Variants in PRR12 observed in about 807,000 individuals in gnomAD.
PRR12 encodes the protein proline-rich protein 12.
Under a neutral mutation model 138.0 loss-of-function variants are expected in PRR12, and 12 were observed. That is an observed-to-expected ratio of 0.09 (90% CI 0.06 to 0.14). PRR12 has a LOEUF of 0.14. Ranked by LOEUF, PRR12 falls within the 10% of genes least tolerant of loss-of-function variation. PRR12 has a pLI of 1.00. For missense variants in PRR12, 2,692 were observed against 2,861.3 expected (o/e 0.94, Z 1.35); for synonymous variants, 1,567 against 1,291.7 (o/e 1.21, Z -4.57).
intron 6 of PRR12, among the ~76,000 whole-genome samples, chr19:49,607,356 C>CAT (rs200014602): frequency 0.027 from 3,948 of 146,982 alleles, 174 homozygotes; most frequent in African/African-American, 0.098. Flanking sequence ...CTGTCATGTA[C>CAT]GTGTGCACAC....
At chr19:49,622,625 C>T (rs978627536) in intron 11 of PRR12, among the ~76,000 whole-genome samples, 1 of 146,240 alleles carries the variant, frequency 6.8e-6, no homozygotes, top group Non-Finnish European at 1.5e-5. Context: ...GGCGCGGTGG[C>T]TCACGCCTGT....
intron 4 of PRR12, among the ~76,000 whole-genome samples, chr19:49,598,727 T>G (rs981674118): frequency 6.6e-6 from 1 of 151,978 alleles, no homozygotes; most frequent in African/African-American, 2.4e-5. Context: ...GAGGTTGAGG[T>G]GGGAGGATCT....
intron 6 of PRR12, among the ~76,000 whole-genome samples, chr19:49,607,431 C>T (rs541008217): frequency 6.6e-6 from 1 of 151,802 alleles, no homozygotes. Flanking sequence ...TTTTGCCAGG[C>T]GTGGTGGATC....
intron 6 of PRR12, among the ~76,000 whole-genome samples, chr19:49,606,398 G>A (rs1438204406): frequency 2.0e-5 from 3 of 146,732 alleles, no homozygotes; most frequent in African/African-American, 5.1e-5. Context: ...TGCAACCCTC[G>A]CCTCCCACAT....
chr19:49,596,963 G>T lies in PRR12; in HGVS notation c.2628G>T (p.Pro876=), dbSNP rs1001470626. The part of the protein sequence containing the change: ...PRLRPEESLD[P]PGAMQELLGA... ...TGCGACCCGAGGAGAGCCTGGATCCGCCAGGCGCCATGCAGGAATTGCTCG... is the reference window on the plus strand; with the variant it reads ...TGCGACCCGAGGAGAGCCTGGATCCTCCAGGCGCCATGCAGGAATTGCTCG... Residue 876 remains proline, a synonymous_variant, in exon 4 of 14, where the codon CCG becomes CCT. Coordinates refer to ENST00000418929, the MANE Select transcript of PRR12 (RefSeq NM_020719.3). This position sits in a 1 kb window ranked among gnomAD's most constrained non-coding sequence, Gnocchi z 5.6. 1 of 1,551,578 alleles carries T rather than the reference G, an allele frequency of 6.4e-7. No individual in the cohort carries two copies.
In PRR12 at chr19:49,599,850, A is replaced by G. The variant is rs1210098764; in HGVS notation, c.4257A>G (p.Pro1419=). 3 of 1,613,178 alleles carry G rather than the reference A, an allele frequency of 1.9e-6. No homozygotes were observed. The highest frequency in any genetic ancestry group is 2.5e-6 in the Non-Finnish European group (3 of 1,179,858). The stretch of plus-strand genomic sequence containing the variant: ...CTGGGCCAAAAGACACTTCCACCCC[A>G]GATGGGCCGCCCTTGGCCCCCGCGG... ...PLAGPKDTST[P]DGPPLAPAAA... is the part of the protein sequence containing the mutation. The change falls in exon 5 of 14, where the codon CCA becomes CCG. Residue 1419 remains proline, a synonymous_variant. Coordinates refer to ENST00000418929, the MANE Select transcript of PRR12 (RefSeq NM_020719.3). The surrounding 1 kb of genome is among the most constrained non-coding windows in gnomAD (Gnocchi z 5.0).
chr19:49,606,115 C>G (rs1355283884), intron 6 of PRR12, among the ~76,000 whole-genome samples: 1 of 152,166 alleles, frequency 6.6e-6, no homozygotes, highest in Non-Finnish European at 1.5e-5. Flanking sequence ...ATCCTCCCAC[C>G]TCAGCCTCCC....
In PRR12 at chr19:49,594,382, C is replaced by T; in HGVS notation, c.200-72C>T. 5 of 1,433,666 alleles carry T rather than the reference C, an allele frequency of 3.5e-6. No individual in the cohort carries two copies. In the South Asian group the frequency reaches 4.2e-5, roughly 12 times the overall value. The allele number at this position is 1,433,666 out of a possible 1,614,324, so 88.8% of individuals were successfully genotyped here. ...TTTCCTGATCCAACTTGCTTTTGGCCTCTTCCCTTTCTCTCTTGACTGTAT... is the reference window on the plus strand; with the variant it reads ...TTTCCTGATCCAACTTGCTTTTGGCTTCTTCCCTTTCTCTCTTGACTGTAT... On this transcript the variant is annotated intron_variant, in intron 2 of 13. Transcript: ENST00000418929. The surrounding 1 kb of genome is among the most constrained non-coding windows in gnomAD (Gnocchi z 5.6).
chr19:49,613,695 C>G (rs2080877804), intron 6 of PRR12, among the ~76,000 whole-genome samples: 1 of 152,200 alleles, frequency 6.6e-6, no homozygotes, highest in South Asian at 2.1e-4. Flanking sequence ...CAAACTCACC[C>G]TGTTTTGTTT....
Position 49,597,452 on chromosome 19 carries a change from ACCACCC to A in PRR12, c.3120_3125del (p.Pro1048_Pro1049del). ...AGAGTGGCCCCCACCAGGCGGCGCCACCACCCCCGCCTCCGCCACCGCCGCCTCCCG... is the reference window on the plus strand; with the variant it reads ...AGAGTGGCCCCCACCAGGCGGCGCCACCGCCTCCGCCACCGCCGCCTCCCG... On this transcript the variant is annotated inframe_deletion, in exon 4 of 14. Coordinates refer to ENST00000418929, the MANE Select transcript of PRR12 (RefSeq NM_020719.3). This position sits in a 1 kb window ranked among gnomAD's most constrained non-coding sequence, Gnocchi z 6.3. The A allele has an allele frequency of 1.9e-6, 3 of 1,538,914 alleles. No homozygotes were observed. Among genetic ancestry groups the A allele is most frequent in the Non-Finnish European group, 2.6e-6 (3 of 1,145,394 alleles).
rs1173127021 is a variant in PRR12, at chr19:49,601,551, C to T, written c.4406C>T (p.Pro1469Leu). Reference sequence around the variant, plus strand: ...CCACCTCCTGCCCCGACTCCTCAGCCTCAGCCTCCGCCACCCCCTCCGCCG... The same window carrying T: ...CCACCTCCTGCCCCGACTCCTCAGCTTCAGCCTCCGCCACCCCCTCCGCCG... The part of the protein sequence containing the change: ...PTPPPAPTPQ[P>L]QPPPPPPPPQ... Residue 1469 changes from proline (P) to leucine (L), a missense_variant, in exon 6 of 14, where the codon CCT becomes CTT. Around this residue, in one of 11 missense-constraint regions of PRR12, gnomAD observed 231 missense variants for 200.8 expected, o/e 1.15. Coordinates refer to ENST00000418929, the MANE Select transcript of PRR12 (RefSeq NM_020719.3). The T allele has an allele frequency of 1.3e-6, 2 of 1,542,696 alleles. No homozygotes were observed. Among genetic ancestry groups the T allele is most frequent in the Non-Finnish European group, 1.8e-6 (2 of 1,140,780 alleles).
rs2122391830 is a variant in PRR12, at chr19:49,625,721, T to A, written c.*114T>A. Reference sequence around the variant, plus strand: ...ATCGCCGGGGAAAGGGGGTCATGGGTCAGGGTGTGTCTGTGCTGCCCCCTC... The same window carrying A: ...ATCGCCGGGGAAAGGGGGTCATGGGACAGGGTGTGTCTGTGCTGCCCCCTC... On this transcript the variant is annotated 3_prime_UTR_variant, in exon 14 of 14. Coordinates refer to ENST00000418929, the MANE Select transcript of PRR12 (RefSeq NM_020719.3). This position sits in a 1 kb window ranked among gnomAD's most constrained non-coding sequence, Gnocchi z 5.5. 7.3e-7 allele frequency: 1 copy of A among 1,375,070 alleles called. No individual in the cohort carries two copies. The highest frequency in any genetic ancestry group is 9.6e-7 in the Non-Finnish European group (1 of 1,041,798). The allele number at this position is 1,375,070 out of a possible 1,614,324, so 85.2% of individuals were successfully genotyped here. A position where few individuals can be genotyped will look rare whatever the true frequency, so the allele number is the denominator to read the frequency against.
rs1156237312 is a variant in PRR12, at chr19:49,591,375, G to A, written c.-280G>A. Among the ~76,000 whole-genome samples the A allele has an allele frequency of 6.7e-6, 1 of 148,832 alleles. No individual in the cohort carries two copies. Among genetic ancestry groups the A allele is most frequent in the Admixed American group, 6.6e-5 (1 of 15,136 alleles). On this transcript the variant is annotated 5_prime_UTR_variant, in exon 1 of 14. Coordinates refer to ENST00000418929, the MANE Select transcript of PRR12 (RefSeq NM_020719.3). ...CCGGGGCAAAGGCGGAGACAGCGGGGTCCCTCCTCCCCCCTTCCCTCCTCT... is the reference window on the plus strand; with the variant it reads ...CCGGGGCAAAGGCGGAGACAGCGGGATCCCTCCTCCCCCCTTCCCTCCTCT...
rs558623439 is a variant in PRR12 at position 49,605,704 on chromosome 19, G to A, written c.4773+3786G>A. Among the ~76,000 whole-genome samples the A allele has an allele frequency of 2.2e-4, 33 of 152,388 alleles. No individual in the cohort carries two copies. The South Asian group carries it at 6.6e-3, about 31-fold the overall frequency. ...CCATTTTACAGATGGGGAAGTTCAC[G>A]TTCAGAGAAAGGGAGTCAGTCGCCT... On this transcript the variant is annotated intron_variant, in intron 6 of 13. Transcript: ENST00000418929.
chr19:49,595,779 C>G lies in PRR12; in HGVS notation c.1444C>G (p.Pro482Ala). The change falls in exon 4 of 14, where the codon CCC (proline) becomes GCC (alanine). Residue 482 changes from proline to alanine, a missense_variant. Around this residue, in one of 11 missense-constraint regions of PRR12, gnomAD observed 523 missense variants for 496.4 expected, o/e 1.05. Coordinates refer to ENST00000418929, the MANE Select transcript of PRR12 (RefSeq NM_020719.3). ...APSYSGGPPQ[P>A]PSGPPPPGLA... is the part of the protein sequence containing the mutation. Reference sequence around the variant, plus strand: ...CAGCTACTCAGGGGGCCCCCCACAGCCCCCCAGCGGCCCCCCTCCTCCTGG... The same window carrying G: ...CAGCTACTCAGGGGGCCCCCCACAGGCCCCCAGCGGCCCCCCTCCTCCTGG... 2 of 1,598,514 alleles carry G rather than the reference C, an allele frequency of 1.3e-6. No homozygotes were observed. The highest frequency in any genetic ancestry group is 1.7e-6 in the Non-Finnish European group (2 of 1,173,806).
In PRR12 at chr19:49,596,211, G is replaced by A; in HGVS notation, c.1876G>A (p.Ala626Thr). The A allele has an allele frequency of 6.2e-7, 1 of 1,610,820 alleles. No individual in the cohort carries two copies. Among genetic ancestry groups the A allele is most frequent in the East Asian group, 2.2e-5 (1 of 44,874 alleles). ...CAAGGGGGATGGCTCGGAGCTGCTG[G>A]CGGGCCCAGGTGGGCCTCCTGCGGA... ...KGKGDGSELL[A>T]GPGGPPAERT... The change falls in exon 4 of 14, where the codon GCG (alanine) becomes ACG (threonine). Residue 626 changes from alanine to threonine, a missense_variant. Physicochemically the swap from Ala to Thr is moderately conservative, Grantham distance 58. This residue lies in a region of PRR12 where 840 missense variants were observed against 689.8 expected (regional missense o/e 1.22). Transcript: ENST00000418929. The surrounding 1 kb of genome is among the most constrained non-coding windows in gnomAD (Gnocchi z 5.6).
Position 49,596,391 on chromosome 19 carries a change from A to G in PRR12, c.2056A>G (p.Thr686Ala), listed in dbSNP as rs781085979. ...TGGCGGGGCCGGGGGACCACCGGGT[A>G]CACCCTACGAGTTGGCCAAGGAAGA... ...GSGGAGGPPG[T>A]PYELAKEDPQ... Residue 686 changes from threonine to alanine, a missense_variant, in exon 4 of 14, where the codon ACA becomes GCA. Thr to Ala is a moderately conservative substitution (Grantham distance 58, BLOSUM62 0). Transcript: ENST00000418929. The surrounding 1 kb of genome is among the most constrained non-coding windows in gnomAD (Gnocchi z 5.6). The G allele has an allele frequency of 5.0e-6, 8 of 1,604,050 alleles. No individual in the cohort carries two copies. Among genetic ancestry groups the G allele is most frequent in the Non-Finnish European group, 6.8e-6 (8 of 1,178,410 alleles).
chr19:49,621,668 A>G (rs779697592), intron 11 of PRR12, 46 bp downstream of exon 11: 2 of 1,456,846 alleles, frequency 1.4e-6, no homozygotes, highest in Non-Finnish European at 9.4e-7. Context: ...CAGGGTCCAC[A>G]TGGAGAAGAC....
chr19:49,598,126 T>G (rs1469468903), intron 4 of PRR12, 113 bp downstream of exon 4: 3 of 1,154,102 alleles, frequency 2.6e-6, no homozygotes, highest in Non-Finnish European at 2.2e-6. Context: ...CAGGCTGGAG[T>G]GCAGTGGCAC....
Sources: allele counts gnomAD v4.1 joint callset (sites outside exome capture counted in the v4.1 genomes callset), GRCh38; gene constraint gnomAD v4.1.1; regional missense constraint gnomAD v4.1.1; non-coding constraint Gnocchi (gnomAD v3.1); transcripts MANE v1.5; gene names NCBI Gene and HGNC (gene_info 2026-07-23, HGNC 2026-07-21).